TMEM164: variants seen among roughly 807,000 people sequenced by gnomAD.
TMEM164 encodes the protein transmembrane protein 164, also known as RP13-360B22.2.
A neutral mutation model predicts 18.8 loss-of-function variants in TMEM164; 4 were observed. That is an observed-to-expected ratio of 0.21 (90% CI 0.10 to 0.49). The LOEUF is 0.49. TMEM164 is among the 20% of genes least tolerant of loss of function. The pLI is 0.98. For synonymous variants in TMEM164, 86 were observed against 101.7 expected, an observed-to-expected ratio of 0.85 and a Z score of 0.93; for missense variants, 108 against 239.9, an observed-to-expected ratio of 0.45 and a Z score of 3.63.
At chrX:110,121,054 CA>C (rs2066442169) in intron 4 of TMEM164, among the ~76,000 whole-genome samples, 1 of 111,734 alleles carries the variant, frequency 8.9e-6, no homozygotes, top group East Asian at 2.8e-4. Context: ...ACCTTTCAGA[CA>C]AGTTATAAAG....
chrX:110,069,392 T>C (rs368923492), intron 3 of TMEM164, among the ~76,000 whole-genome samples: 7 of 111,230 alleles, frequency 6.3e-5, no homozygotes, highest in African/African-American at 2.3e-4. Flanking sequence ...TTCAGTATTA[T>C]CTCAATTTTT....
At chrX:110,183,510 T>C (rs1183811295), downstream of TMEM164, among the ~76,000 whole-genome samples, 3 of 112,185 alleles carry the variant, frequency 2.7e-5, no homozygotes, top group East Asian at 2.8e-4. Flanking sequence ...TCATAGGCTA[T>C]TGTGAGGATT....
At chrX:110,100,729 G>A (rs1230137593) in intron 3 of TMEM164, among the ~76,000 whole-genome samples, 1 of 110,127 alleles carries the variant, frequency 9.1e-6, no homozygotes, top group Non-Finnish European at 1.9e-5. Context: ...CCACCACCTC[G>A]CCTGGCTAAT....
chrX:110,084,412 T>TATATATATATATAGTATA (rs58569936), intron 3 of TMEM164, among the ~76,000 whole-genome samples: 1 of 1,061 alleles, frequency 9.4e-4, no homozygotes, highest in Non-Finnish European at 1.5e-3. Flanking sequence ...ATATATATAG[T>TATATATATATATAGTATA]GTATATATAT....
chrX:110,105,679 GACACACACACACACACACAC>G (rs758900532), intron 3 of TMEM164, among the ~76,000 whole-genome samples: 4 of 65,438 alleles, frequency 6.1e-5, no homozygotes, highest in Admixed American at 1.9e-4. Context: ...TAGAAACACA[GACACACACACACACACACAC>G]ACACACACAC....
At chrX:110,136,305 T>C (rs995944273) in intron 4 of TMEM164, among the ~76,000 whole-genome samples, 8 of 111,423 alleles carry the variant, frequency 7.2e-5, no homozygotes, top group African/African-American at 2.6e-4. Flanking sequence ...TTGTGGCTCC[T>C]CTCACAAGTG....
At chrX:110,179,502 C>T (rs1044865920), downstream of TMEM164, among the ~76,000 whole-genome samples, 16 of 112,325 alleles carry the variant, frequency 1.4e-4, no homozygotes, top group African/African-American at 4.2e-4. Context: ...TTCACTCCAG[C>T]GGGATCGTAC....
At chrX:110,107,875 G>A (rs1312222887) in intron 3 of TMEM164, among the ~76,000 whole-genome samples, 2 of 110,133 alleles carry the variant, frequency 1.8e-5, no homozygotes, top group Admixed American at 9.7e-5. Context: ...GTCTAGGGTG[G>A]TCTTGAACTC....
At chrX:110,179,194 TC>T (rs1163623794), downstream of TMEM164, among the ~76,000 whole-genome samples, 1 of 111,336 alleles carries the variant, frequency 9.0e-6, no homozygotes, top group Non-Finnish European at 1.9e-5. Flanking sequence ...TTGTGTCCTT[TC>T]CCCATGGGTT....
At chrX:110,179,137 G>C (rs759466237), downstream of TMEM164, among the ~76,000 whole-genome samples, 2 of 112,188 alleles carry the variant, frequency 1.8e-5, no homozygotes, top group East Asian at 5.6e-4. Flanking sequence ...GCCAGGTGAA[G>C]GGGAAGGATG....
intron 2 of TMEM164, among the ~76,000 whole-genome samples, chrX:110,062,598 A>C (rs943663432): frequency 1.8e-5 from 2 of 112,016 alleles, no homozygotes; most frequent in Non-Finnish European, 3.8e-5. Flanking sequence ...GGAACTGAAA[A>C]TTTAGATGTA....
intron 2 of TMEM164, among the ~76,000 whole-genome samples, chrX:110,013,709 C>T (rs1278681436): frequency 9.0e-6 from 1 of 111,672 alleles, no homozygotes; most frequent in Non-Finnish European, 1.9e-5. Context: ...TGAGCTCCAT[C>T]ACCATGTAAC....
At chrX:110,148,757 C>A (rs2066897921) in intron 5 of TMEM164, among the ~76,000 whole-genome samples, 2 of 99,397 alleles carry the variant, frequency 2.0e-5, no homozygotes, top group Admixed American at 1.2e-4. Context: ...AACTCTTGGG[C>A]TCAAGTGATC....
intron 4 of TMEM164, among the ~76,000 whole-genome samples, chrX:110,112,996 C>T (rs1175770343): frequency 1.8e-5 from 2 of 110,955 alleles, no homozygotes; most frequent in African/African-American, 6.6e-5. Context: ...ACATAGAAAC[C>T]ATTGTTTCTT....
In TMEM164 at chrX:110,175,872, C is replaced by G. The variant is rs889120354; in HGVS notation, c.*2421C>G. On this transcript the variant is annotated 3_prime_UTR_variant, in exon 7 of 7. Transcript: ENST00000372068. ...GCCAACGTGGAGAGAAGCAACCCAACCAGACTCTTGGCAGCCTGCCTTACA... is the reference window on the plus strand; with the variant it reads ...GCCAACGTGGAGAGAAGCAACCCAAGCAGACTCTTGGCAGCCTGCCTTACA... 1 of 755,794 alleles carries G rather than the reference C, an allele frequency of 1.3e-6. No homozygotes were observed. Among genetic ancestry groups the G allele is most frequent in the Non-Finnish European group, 1.6e-6 (1 of 639,913 alleles). The allele number at this position is 755,794 out of a possible 1,213,427, so 62.3% of individuals were successfully genotyped here.
intron 5 of TMEM164, among the ~76,000 whole-genome samples, chrX:110,164,992 A>G (rs2067141493): frequency 8.9e-6 from 1 of 112,780 alleles, no homozygotes; most frequent in Admixed American, 9.3e-5. Flanking sequence ...ATTGTTGCCT[A>G]TCCTGTTCCC....
chrX:110,081,931 T>C (rs2065764240), intron 3 of TMEM164, among the ~76,000 whole-genome samples: 1 of 112,533 alleles, frequency 8.9e-6, no homozygotes, highest in Admixed American at 9.4e-5. Flanking sequence ...TGGCAAAGGC[T>C]GGCAACTCCC....
At chrX:110,072,938 A>G (rs2065617184) in intron 3 of TMEM164, among the ~76,000 whole-genome samples, 1 of 110,618 alleles carries the variant, frequency 9.0e-6, no homozygotes, top group Non-Finnish European at 1.9e-5. Context: ...CCTGTCACTC[A>G]GGTAGTGATG....
upstream of TMEM164, among the ~76,000 whole-genome samples, chrX:110,002,387 C>T (rs1382632046): frequency 9.2e-6 from 1 of 109,003 alleles, no homozygotes; most frequent in African/African-American, 3.3e-5. Context: ...GGAGGCGGAG[C>T]CTGAGCCGGA....
Sources: gnomAD v4.1 joint callset for allele counts (sites outside exome capture counted in the v4.1 genomes callset) on GRCh38, gnomAD v4.1.1 for gene constraint, MANE v1.5 for transcripts, NCBI Gene and HGNC (gene_info 2026-07-23, HGNC 2026-07-21) for gene names.